The following SPAG1 variants were observed in gnomAD, a reference collection of about 807,000 sequenced individuals.
The protein encoded by SPAG1 is sperm-associated antigen 1.
A neutral mutation model predicts 100.5 loss-of-function variants in SPAG1; 69 were observed. The ratio of observed to expected loss-of-function variants is 0.69; its 90% confidence interval spans 0.57 to 0.84. SPAG1 has a LOEUF of 0.84. Among genes scored for constraint, SPAG1 ranks in the 40% least tolerant of loss-of-function variants. SPAG1 has a pLI of 0.00. For synonymous variants in SPAG1, 336 were observed against 411.6 expected, an observed-to-expected ratio of 0.82 and a Z score of 2.22; for missense variants, 955 against 1,133.1, an observed-to-expected ratio of 0.84 and a Z score of 2.26.
intron 4 of SPAG1, 143 bp downstream of exon 4, chr8:100,178,084 A>G (rs1816207491): frequency 3.5e-6 from 2 of 575,314 alleles, no homozygotes; most frequent in Admixed American, 2.9e-5. Context: ...GCTGGGAACT[A>G]TCGGCTGGGA....
At position 100,194,287 on chromosome 8, in the gene SPAG1, T is replaced by C; in HGVS notation, c.1096+19T>C. 6.2e-7 allele frequency: 1 copy of C among 1,601,734 alleles called. No homozygotes were observed. The highest frequency in any genetic ancestry group is 1.7e-5 in the Admixed American group (1 of 58,926). ...GATAAGAGTAAAATATTTTTTCTAT[T>C]TAGGTTATGTAAAAAGCTGCCTTTT... is the stretch of plus-strand genomic sequence containing the variant. On this transcript the variant is annotated intron_variant, in intron 10 of 18. Coordinates refer to ENST00000388798, the MANE Select transcript of SPAG1 (RefSeq NM_003114.5).
At chr8:100,162,197 AG>A (rs1174185545) in intron 1 of SPAG1, 81 bp from the exon 2 acceptor site, 3 of 1,156,034 alleles carry the variant, frequency 2.6e-6, no homozygotes, top group Non-Finnish European at 3.6e-6. Flanking sequence ...AAAAATACAA[AG>A]AAGTACCTAC....
At chr8:100,214,085 A>G (rs1007834866) in intron 12 of SPAG1, among the ~76,000 whole-genome samples, 167 bp downstream of exon 12, 1 of 152,216 alleles carries the variant, frequency 6.6e-6, no homozygotes, top group African/African-American at 2.4e-5. Context: ...ACGTATATGA[A>G]GAGAGTTATA....
chr8:100,178,494 G>A (rs1367481610), intron 4 of SPAG1, among the ~76,000 whole-genome samples: 1 of 151,632 alleles, frequency 6.6e-6, no homozygotes, highest in Non-Finnish European at 1.5e-5. Context: ...ACAGAGAAGG[G>A]GCCTCTTGAA....
chr8:100,229,127 G>A (rs1156712666), intron 14 of SPAG1, among the ~76,000 whole-genome samples: 1 of 152,202 alleles, frequency 6.6e-6, no homozygotes, highest in Non-Finnish European at 1.5e-5. Flanking sequence ...GAGGAAGTAG[G>A]CCGGGCGTGG....
At chr8:100,209,408 T>C (rs1256306709) in intron 10 of SPAG1, among the ~76,000 whole-genome samples, 1 of 148,254 alleles carries the variant, frequency 6.7e-6, no homozygotes, top group Non-Finnish European at 1.5e-5. Flanking sequence ...AATATATCAT[T>C]AGAGTGAGAC....
At chr8:100,179,170 G>T (rs910732683) in intron 4 of SPAG1, among the ~76,000 whole-genome samples, 3 of 151,694 alleles carry the variant, frequency 2.0e-5, no homozygotes, top group Non-Finnish European at 2.9e-5. Flanking sequence ...ATCACTTGAG[G>T]TCAGGAGTTC....
intron 16 of SPAG1, 91 bp downstream of exon 16, chr8:100,233,628 A>G: frequency 3.1e-6 from 4 of 1,292,924 alleles, no homozygotes; most frequent in Admixed American, 2.4e-5. Flanking sequence ...TTGGGATGGG[A>G]TTGAGGTTAT....
chr8:100,214,285 G>A (rs910656388), intron 12 of SPAG1, among the ~76,000 whole-genome samples: 6 of 152,056 alleles, frequency 3.9e-5, no homozygotes, highest in South Asian at 2.1e-4. Flanking sequence ...TATTGGCTTC[G>A]AAATAACTGT....
At chr8:100,167,118 G>T (rs1298376182) in intron 3 of SPAG1, among the ~76,000 whole-genome samples, 2 of 151,950 alleles carry the variant, frequency 1.3e-5, no homozygotes, top group African/African-American at 4.8e-5. Context: ...AAGAGTTCAA[G>T]GCCAGCCTAG....
intron 15 of SPAG1, among the ~76,000 whole-genome samples, chr8:100,232,805 C>G (rs1818837528): frequency 6.6e-6 from 1 of 152,170 alleles, no homozygotes; most frequent in Admixed American, 6.5e-5. Context: ...GCTCAACTTC[C>G]TTCCATGACT....
rs1660352 is a variant in SPAG1, at chr8:100,213,480, C to A, written c.1435+52C>A. 289,307 of 1,323,972 alleles carry A rather than the reference C, an allele frequency of 0.22. 33,742 individuals carry two copies. The highest frequency in any genetic ancestry group is 0.24 in the Non-Finnish European group (244,909 of 1,028,758). 82.0% of individuals were successfully genotyped at this position (1,323,972 alleles called of 1,614,324 possible). ...CTGGGCCCCTCGCGCTGCGGTTCACCCGACCTCCGGGGCCCCCGTGGGAGA... is the reference window on the plus strand; with the variant it reads ...CTGGGCCCCTCGCGCTGCGGTTCACACGACCTCCGGGGCCCCCGTGGGAGA... On this transcript the variant is annotated intron_variant, in intron 11 of 18. Transcript: ENST00000388798.
intron 10 of SPAG1, among the ~76,000 whole-genome samples, chr8:100,206,691 T>C (rs1053142400): frequency 3.3e-5 from 5 of 152,186 alleles, no homozygotes; most frequent in Non-Finnish European, 7.3e-5. Context: ...CCTTCTAAGG[T>C]GAAGGGGCCT....
chr8:100,231,707 C>T (rs2132422876), intron 15 of SPAG1, among the ~76,000 whole-genome samples: 1 of 152,328 alleles, frequency 6.6e-6, no homozygotes, highest in Non-Finnish European at 1.5e-5. Context: ...CGCCCATAAT[C>T]CCAGCACTTT....
intron 2 of SPAG1, 52 bp from the exon 3 acceptor site, chr8:100,165,762 A>G: frequency 6.7e-7 from 1 of 1,502,696 alleles, no homozygotes; most frequent in South Asian, 1.2e-5. Context: ...CCGCTGGTCT[A>G]GATGATCCTA....
intron 10 of SPAG1, among the ~76,000 whole-genome samples, chr8:100,196,002 C>T (rs1280345081): frequency 2.0e-5 from 3 of 152,186 alleles, no homozygotes; most frequent in Non-Finnish European, 2.9e-5. Context: ...AGTCTAGCTT[C>T]CTTCACTTAG....
chr8:100,163,235 T>C (rs930572489), intron 2 of SPAG1, among the ~76,000 whole-genome samples: 2 of 152,196 alleles, frequency 1.3e-5, no homozygotes, highest in African/African-American at 4.8e-5. Context: ...GAGGGCCCTA[T>C]TCCCAGCGAT....
Position 100,162,198 on chromosome 8 carries a change from G to A in SPAG1, c.-2-81G>A, listed in dbSNP as rs16898015. 231,310 of 1,148,662 alleles carry A rather than the reference G, an allele frequency of 0.2. 24,104 individuals carry two copies. The highest frequency in any genetic ancestry group is 0.28 in the South Asian group (18,320 of 66,104). The allele number at this position is 1,148,662 out of a possible 1,614,324, so 71.2% of individuals were successfully genotyped here. A position where few individuals can be genotyped will look rare whatever the true frequency, so the allele number is the denominator to read the frequency against. ...TTTTAAAAATTCAAAAAAATACAAA[G>A]AAGTACCTACATGGTTACCACTATC... On this transcript the variant is annotated intron_variant, in intron 1 of 18. Transcript: ENST00000388798.
At chr8:100,216,078 A>G (rs1469172053) in intron 12 of SPAG1, among the ~76,000 whole-genome samples, 1 of 152,206 alleles carries the variant, frequency 6.6e-6, no homozygotes, top group Non-Finnish European at 1.5e-5. Context: ...GTGGGATACC[A>G]TTTAATACCA....
Sources: gnomAD v4.1 joint callset for allele counts (sites outside exome capture counted in the v4.1 genomes callset) on GRCh38, gnomAD v4.1.1 for gene constraint, MANE v1.5 for transcripts, NCBI Gene and HGNC (gene_info 2026-07-23, HGNC 2026-07-21) for gene names.